The following IL1RAPL2 variants were observed in gnomAD, a reference collection of about 807,000 sequenced individuals.
The protein encoded by IL1RAPL2 is interleukin 1 receptor accessory protein like 2.
Under a neutral mutation model 44.1 loss-of-function variants are expected in IL1RAPL2, and 3 were observed. The observed-to-expected ratio is 0.07, with a 90% confidence interval of 0.03 to 0.18. IL1RAPL2 has a LOEUF of 0.18. Ranked by LOEUF, IL1RAPL2 falls within the 10% of genes least tolerant of loss-of-function variation. The probability of loss-of-function intolerance (pLI) is 1.00; values close to 1 mark genes in which losing one functional copy is unlikely to be tolerated. For missense variants in IL1RAPL2, 391 were observed against 496.4 expected, an observed-to-expected ratio of 0.79 and a Z score of 2.02; for synonymous variants, 181 against 178.8, an observed-to-expected ratio of 1.01 and a Z score of -0.10.
intron 3 of IL1RAPL2, among the ~76,000 whole-genome samples, chrX:105,206,728 A>G (rs940546196): frequency 1.8e-5 from 2 of 112,148 alleles, no homozygotes; most frequent in African/African-American, 6.5e-5. Context: ...AAGAATTTTC[A>G]GAGAACTAGT....
intron 5 of IL1RAPL2, among the ~76,000 whole-genome samples, chrX:105,469,522 G>A (rs1375121178): frequency 9.1e-6 from 1 of 109,958 alleles, no homozygotes; most frequent in African/African-American, 3.3e-5. Flanking sequence ...GATGTCAAGA[G>A]GCAGTGAGCC....
intron 2 of IL1RAPL2, among the ~76,000 whole-genome samples, chrX:105,179,345 CTG>C: frequency 8.9e-6 from 1 of 112,008 alleles, no homozygotes; most frequent in East Asian, 2.8e-4. Flanking sequence ...TTCCATTGGT[CTG>C]TGTGTCTATT....
intron 2 of IL1RAPL2, among the ~76,000 whole-genome samples, chrX:104,766,646 T>C (rs1010214481): frequency 1.3e-4 from 15 of 112,051 alleles, no homozygotes; most frequent in African/African-American, 4.6e-4. Context: ...AAGGTACTAT[T>C]CTTGTGGAGG....
intron 1 of IL1RAPL2, among the ~76,000 whole-genome samples, chrX:104,655,960 A>G: frequency 8.9e-6 from 1 of 111,814 alleles, no homozygotes; most frequent in East Asian, 2.8e-4. Flanking sequence ...TAATTTGCGT[A>G]GAGGTGTTTA....
At chrX:104,725,168 AATG>A (rs1931764006) in intron 2 of IL1RAPL2, among the ~76,000 whole-genome samples, 1 of 111,085 alleles carries the variant, frequency 9.0e-6, no homozygotes, top group African/African-American at 3.3e-5. Flanking sequence ...GCTTGCTGGG[AATG>A]ATGGTTTCCA....
intron 4 of IL1RAPL2, among the ~76,000 whole-genome samples, chrX:105,241,564 A>G (rs782523747): frequency 4.3e-4 from 48 of 112,185 alleles, no homozygotes; most frequent in Non-Finnish European, 7.9e-4. Context: ...AGACAAATCT[A>G]TCTAATCTTA....
chrX:104,629,686 A>G (rs1178391567), intron 1 of IL1RAPL2, among the ~76,000 whole-genome samples: 3 of 111,621 alleles, frequency 2.7e-5, no homozygotes, highest in East Asian at 5.6e-4. Flanking sequence ...TCTTTAATCC[A>G]TTTTGAGTTG....
At chrX:105,379,629 C>T (rs779686761) in intron 5 of IL1RAPL2, among the ~76,000 whole-genome samples, 16 of 111,779 alleles carry the variant, frequency 1.4e-4, no homozygotes, top group Admixed American at 2.9e-4. Context: ...ACCTGGGTTT[C>T]TATCCCTGCT....
chrX:104,688,639 C>A (rs1489740686), intron 2 of IL1RAPL2, among the ~76,000 whole-genome samples: 1 of 111,583 alleles, frequency 9.0e-6, no homozygotes, highest in Non-Finnish European at 1.9e-5. Context: ...TAATATTTTT[C>A]ATATAACCTC....
intron 2 of IL1RAPL2, among the ~76,000 whole-genome samples, chrX:104,774,437 T>G (rs1932687114): frequency 8.9e-6 from 1 of 111,954 alleles, no homozygotes; most frequent in Non-Finnish European, 1.9e-5. Context: ...TGTGCATGAC[T>G]AAGTAGTAGT....
At chrX:105,662,954 A>C (rs139753191) in intron 6 of IL1RAPL2, among the ~76,000 whole-genome samples, 80 of 112,592 alleles carry the variant, frequency 7.1e-4, no homozygotes, top group South Asian at 2.9e-3. Flanking sequence ...TTTTAGGGTA[A>C]TTTGTTACAT....
intron 2 of IL1RAPL2, among the ~76,000 whole-genome samples, chrX:104,674,369 G>A (rs1379980655): frequency 1.8e-5 from 2 of 111,915 alleles, no homozygotes; most frequent in African/African-American, 3.3e-5. Context: ...TGTGGTTTTT[G>A]TCTTTGGCTC....
At chrX:105,439,520 A>G (rs1156314726) in intron 5 of IL1RAPL2, among the ~76,000 whole-genome samples, 1 of 97,061 alleles carries the variant, frequency 1.0e-5, no homozygotes, top group Non-Finnish European at 2.0e-5. Context: ...TGCTGTACAA[A>G]AAAAAAAAAA....
intron 2 of IL1RAPL2, among the ~76,000 whole-genome samples, chrX:105,072,611 T>C (rs1391889045): frequency 9.0e-6 from 1 of 111,167 alleles, no homozygotes; most frequent in Non-Finnish European, 1.9e-5. Context: ...TTATTGGGAA[T>C]TGGAGAAAAG....
chrX:104,915,902 G>A (rs182002660), intron 2 of IL1RAPL2, among the ~76,000 whole-genome samples: 3 of 111,330 alleles, frequency 2.7e-5, no homozygotes, highest in Non-Finnish European at 5.7e-5. Flanking sequence ...TATTTCTGAG[G>A]GCTCTGTTCT....
At chrX:105,442,274 T>C (rs1404244529) in intron 5 of IL1RAPL2, among the ~76,000 whole-genome samples, 1 of 109,368 alleles carries the variant, frequency 9.1e-6, no homozygotes, top group Non-Finnish European at 1.9e-5. Flanking sequence ...TAGGATGGTC[T>C]TGGCTAGTCT....
chrX:104,633,519 G>A (rs1312127925), intron 1 of IL1RAPL2, among the ~76,000 whole-genome samples: 1 of 111,450 alleles, frequency 9.0e-6, no homozygotes, highest in East Asian at 2.8e-4. Flanking sequence ...CAATTTCAGA[G>A]CCTGTTATTT....
chrX:105,626,481 G>A (rs1048030856), intron 6 of IL1RAPL2, among the ~76,000 whole-genome samples: 1 of 111,455 alleles, frequency 9.0e-6, no homozygotes, highest in Non-Finnish European at 1.9e-5. Flanking sequence ...ATCTGATGGT[G>A]GTTTTCCGGG....
intron 2 of IL1RAPL2, among the ~76,000 whole-genome samples, chrX:104,835,402 A>G (rs1484952177): frequency 1.8e-5 from 2 of 112,154 alleles, no homozygotes; most frequent in African/African-American, 6.5e-5. Flanking sequence ...AAAACATTTA[A>G]CTTTGGTGTT....
Sources: gnomAD v4.1 joint callset for allele counts (sites outside exome capture counted in the v4.1 genomes callset) on GRCh38, gnomAD v4.1.1 for gene constraint, MANE v1.5 for transcripts, NCBI Gene and HGNC (gene_info 2026-07-23, HGNC 2026-07-21) for gene names.